The following TAFA3 variants were observed in gnomAD, a reference collection of about 807,000 sequenced individuals.
TAFA3 encodes the protein TAFA chemokine like family member 3.
A neutral mutation model predicts 20.7 loss-of-function variants in TAFA3; 17 were observed. The observed-to-expected ratio is 0.82, with a 90% CI of 0.56 to 1.23. The LOEUF is 1.23. Among genes scored for constraint, TAFA3 ranks in the 50% most tolerant of loss-of-function variants. The pLI is 0.00. For missense variants in TAFA3, 174 were observed against 172.8 expected (o/e 1.01, Z -0.04); for synonymous variants, 74 against 71.8 (o/e 1.03, Z -0.16).
chr1:112,723,966 G>A (rs780163402), intron 4 of TAFA3, 47 bp from the exon 5 acceptor site: 18 of 1,613,778 alleles, frequency 1.1e-5, no homozygotes, highest in Middle Eastern at 1.7e-4. Context: ...GCTGCCCACT[G>A]TGCTCGTAGA....
chr1:112,721,208 C>T (rs772022509), intron 2 of TAFA3, among the ~76,000 whole-genome samples: 5 of 152,236 alleles, frequency 3.3e-5, no homozygotes, highest in African/African-American at 4.8e-5. Flanking sequence ...CCTCCATCTC[C>T]CAACCAACCA....
chr1:112,722,927 A>G, intron 3 of TAFA3, 89 bp from the exon 4 acceptor site: 1 of 1,456,154 alleles, frequency 6.9e-7, no homozygotes, highest in East Asian at 2.5e-5. Flanking sequence ...TCCCTGCAGC[A>G]GGGAGGAGGG....
Position 112,724,164 on chromosome 1 carries a change from C to A in TAFA3, c.390+27C>A, listed in dbSNP as rs367683952. On this transcript the variant is annotated intron_variant, in intron 5 of 5. Coordinates refer to ENST00000361886, the MANE Select transcript of TAFA3 (RefSeq NM_182759.3). Reference sequence around the variant, plus strand: ...TACCCTGGGTGGGCACCTCATCCCACCCTCCCCTTCCCTCTCTACCAAGGG... The same window carrying A: ...TACCCTGGGTGGGCACCTCATCCCAACCTCCCCTTCCCTCTCTACCAAGGG... 11 of 1,534,866 alleles carry A rather than the reference C, an allele frequency of 7.2e-6. No homozygotes were observed. In the African/African-American group the frequency reaches 1.1e-4, roughly 15 times the overall value.
intron 5 of TAFA3, among the ~76,000 whole-genome samples, chr1:112,726,282 G>A (rs564322970): frequency 2.2e-4 from 33 of 152,304 alleles, no homozygotes; most frequent in African/African-American, 3.6e-4. Context: ...CTCTCTATCC[G>A]GAGGCAGGGA....
At chr1:112,725,403 A>AGAC (rs1553192312) in intron 5 of TAFA3, among the ~76,000 whole-genome samples, 1 of 140,574 alleles carries the variant, frequency 7.1e-6, no homozygotes, top group African/African-American at 2.9e-5. Context: ...ATTAAAAAAA[A>AGAC]AAAAAAAAAA....
At chr1:112,724,183 C>T in intron 5 of TAFA3, 46 bp downstream of exon 5, 1 of 1,495,666 alleles carries the variant, frequency 6.7e-7, no homozygotes, top group Non-Finnish European at 9.0e-7. Flanking sequence ...TCCCTCTCTA[C>T]CAAGGGCAGA....
Position 112,723,155 on chromosome 1 carries a change from C to T in TAFA3, c.255C>T (p.Ser85=), listed in dbSNP as rs758835244. 2 of 1,612,816 alleles carry T rather than the reference C, an allele frequency of 1.2e-6. No individual in the cohort carries two copies. Among genetic ancestry groups the T allele is most frequent in the Non-Finnish European group, 1.7e-6 (2 of 1,179,738 alleles). ...CCGGCACCACGCGGGCAAAGCCCTC[C>T]TGCGTGGACGGTGAGTGAGAGGCCA... ...QVAGTTRAKP[S]CVDASIVLQR... Residue 85 remains serine (S), a synonymous_variant, in exon 4 of 6, where the codon TCC becomes TCT. Transcript: ENST00000361886.
At chr1:112,722,832 G>A (rs1002020586) in intron 3 of TAFA3, among the ~76,000 whole-genome samples, 184 bp from the exon 4 acceptor site, 2 of 152,142 alleles carry the variant, frequency 1.3e-5, no homozygotes, top group Non-Finnish European at 1.5e-5. Context: ...ACAGGGGAGG[G>A]AGGAAGAATA....
intron 5 of TAFA3, among the ~76,000 whole-genome samples, chr1:112,724,946 T>C (rs1322188295): frequency 6.6e-6 from 1 of 151,356 alleles, no homozygotes. Context: ...TGTATGTTCA[T>C]CAAAGCAGTA....
At chr1:112,724,831 A>AAG (rs1675427639) in intron 5 of TAFA3, among the ~76,000 whole-genome samples, 1 of 148,338 alleles carries the variant, frequency 6.7e-6, no homozygotes, top group South Asian at 2.1e-4. Context: ...AAAAAAAAAA[A>AAG]AAAAAAAAAG....
At position 112,724,018 on chromosome 1, in the gene TAFA3, A is replaced by C. The variant is rs970832284; in HGVS notation, c.271A>C (p.Ile91Leu). The C allele has an allele frequency of 6.2e-7, 1 of 1,613,824 alleles. No individual in the cohort carries two copies. The highest frequency in any genetic ancestry group is 1.3e-5 in the African/African-American group (1 of 74,894). ...TCCGCCTCCTGCTCCCACAGCCTCC[A>C]TCGTCCTGCAGAGATGGTGGTGTCA... ...RAKPSCVDAS[I>L]VLQRWWCQME... The change falls in exon 5 of 6, where the codon ATC becomes CTC. Residue 91 changes from isoleucine (I) to leucine (L), a missense_variant. Transcript: ENST00000361886.
At chr1:112,724,772 C>A (rs1190622624) in intron 5 of TAFA3, among the ~76,000 whole-genome samples, 3 of 67,470 alleles carry the variant, frequency 4.4e-5, no homozygotes, top group East Asian at 4.8e-4. Context: ...TACCCTAAAA[C>A]GTAAAGTATA....
intron 5 of TAFA3, among the ~76,000 whole-genome samples, 187 bp from the exon 6 acceptor site, chr1:112,726,442 G>A (rs975817097): frequency 3.3e-5 from 5 of 152,178 alleles, no homozygotes; most frequent in Admixed American, 6.5e-5. Context: ...AGCAAACAGT[G>A]GGGAGGCTTG....
At chr1:112,724,500 T>C (rs1442981852) in intron 5 of TAFA3, among the ~76,000 whole-genome samples, 1 of 151,088 alleles carries the variant, frequency 6.6e-6, no homozygotes, top group Non-Finnish European at 1.5e-5. Flanking sequence ...TGGATGAAAT[T>C]GGAAATCATC....
intron 5 of TAFA3, 90 bp downstream of exon 5, chr1:112,724,227 G>A: frequency 8.4e-7 from 1 of 1,189,362 alleles, no homozygotes; most frequent in Non-Finnish European, 1.2e-6. Flanking sequence ...GGTCTAGGAT[G>A]TCAGTGTCCC....
intron 2 of TAFA3, among the ~76,000 whole-genome samples, chr1:112,721,629 G>A (rs1018226958): frequency 2.6e-5 from 4 of 152,138 alleles, no homozygotes; most frequent in East Asian, 1.9e-4. Flanking sequence ...TATACACATC[G>A]TATACACACC....
chr1:112,723,366 C>T (rs1478172426), intron 4 of TAFA3, among the ~76,000 whole-genome samples: 1 of 152,130 alleles, frequency 6.6e-6, no homozygotes, highest in Admixed American at 6.5e-5. Context: ...TCTTGTTATG[C>T]GCACAGCCTC....
chr1:112,723,308 G>T, intron 4 of TAFA3, 143 bp downstream of exon 4: 1 of 1,084,226 alleles, frequency 9.2e-7, no homozygotes, highest in South Asian at 1.7e-5. Flanking sequence ...GCCCCCTCTG[G>T]GAGAAGAGGG....
chr1:112,723,179 C>G lies in TAFA3; in HGVS notation c.265+14C>G. ...CCTGCGTGGACGGTGAGTGAGAGGC[C>G]AGGACCCGGGCAGGGCCCTGAGCAG... is the stretch of plus-strand genomic sequence containing the variant. On this transcript the variant is annotated intron_variant, in intron 4 of 5. Transcript: ENST00000361886. 6.2e-7 allele frequency: 1 copy of G among 1,610,922 alleles called. No homozygotes were observed. The highest frequency in any genetic ancestry group is 8.5e-7 in the Non-Finnish European group (1 of 1,179,190).
Sources: allele counts gnomAD v4.1 joint callset (sites outside exome capture counted in the v4.1 genomes callset), GRCh38; gene constraint gnomAD v4.1.1; transcripts MANE v1.5; gene names NCBI Gene and HGNC (gene_info 2026-07-23, HGNC 2026-07-21).